The following BMP6 variants were observed in gnomAD, a reference collection of about 807,000 sequenced individuals.
The protein encoded by BMP6 is VG-1-R.
BMP6 carries 17 observed loss-of-function variants against 54.1 expected under a neutral mutation model. That is an observed-to-expected ratio of 0.31 (90% CI 0.22 to 0.47). The LOEUF (loss-of-function observed/expected upper bound fraction) is 0.47, where lower values mean the gene tolerates loss of function less well. BMP6 is among the 20% of genes least tolerant of loss of function. The pLI is 1.00. For synonymous variants in BMP6, 328 were observed against 291.2 expected (o/e 1.13, Z -1.28); for missense variants, 720 against 690.4 (o/e 1.04, Z -0.48).
At chr6:7,730,675 A>G (rs1761838231) in intron 1 of BMP6, among the ~76,000 whole-genome samples, 1 of 152,206 alleles carries the variant, frequency 6.6e-6, no homozygotes, top group African/African-American at 2.4e-5. Context: ...TGAACATAGG[A>G]AGGACAGTTC....
In BMP6 at chr6:7,727,331, C is replaced by T; in HGVS notation, c.376C>T (p.Pro126Ser). ...QQQLPRGEPP[P>S]GRLKSAPLFM... ...GCAGCTGCCTCGCGGAGAGCCCCCT[C>T]CCGGGCGACTGAAGTCCGCGCCCCT... The change falls in exon 1 of 7, where the codon CCC becomes TCC. Residue 126 changes from proline to serine, a missense_variant. Coordinates refer to ENST00000283147, the MANE Select transcript of BMP6 (RefSeq NM_001718.6). 2 of 1,609,598 alleles carry T rather than the reference C, an allele frequency of 1.2e-6. No individual in the cohort carries two copies. Among genetic ancestry groups the T allele is most frequent in the Non-Finnish European group, 8.5e-7 (1 of 1,178,716 alleles).
chr6:7,846,420 A>G (rs896529170), intron 2 of BMP6, among the ~76,000 whole-genome samples: 1 of 152,224 alleles, frequency 6.6e-6, no homozygotes, highest in Non-Finnish European at 1.5e-5. Flanking sequence ...ACCTGAACTC[A>G]TAAGCAACAT....
chr6:7,812,801 T>A (rs6921045), intron 1 of BMP6, among the ~76,000 whole-genome samples: 111,409 of 151,384 alleles, frequency 0.74, 41,384 homozygotes, highest in East Asian at 0.99. Flanking sequence ...ATTTCATTAT[T>A]ATGTTTCTGA....
At chr6:7,815,507 A>G (rs1758511838) in intron 1 of BMP6, among the ~76,000 whole-genome samples, 1 of 152,236 alleles carries the variant, frequency 6.6e-6, no homozygotes, top group Non-Finnish European at 1.5e-5. Context: ...ATGTTTAATA[A>G]ATAGTACCTA....
intron 1 of BMP6, among the ~76,000 whole-genome samples, chr6:7,772,152 C>G (rs569125071): frequency 6.6e-6 from 1 of 152,166 alleles, no homozygotes; most frequent in Non-Finnish European, 1.5e-5. Context: ...CCCCACACTC[C>G]CCTCCCTCTA....
intron 1 of BMP6, among the ~76,000 whole-genome samples, chr6:7,757,181 A>G (rs970117643): frequency 1.3e-5 from 2 of 152,216 alleles, no homozygotes; most frequent in African/African-American, 4.8e-5. Context: ...CCATTTGTAA[A>G]ATACATAGCA....
At chr6:7,858,526 G>GC (rs1281680363) in intron 2 of BMP6, among the ~76,000 whole-genome samples, 11 of 152,106 alleles carry the variant, frequency 7.2e-5, no homozygotes, top group African/African-American at 2.7e-4. Flanking sequence ...TTCAGCCTCT[G>GC]CCCTGTCTGC....
intron 5 of BMP6, among the ~76,000 whole-genome samples, 168 bp from the exon 6 acceptor site, chr6:7,879,823 C>G (rs936405729): frequency 1.3e-5 from 2 of 152,220 alleles, no homozygotes; most frequent in African/African-American, 4.8e-5. Flanking sequence ...AGGTTCACTT[C>G]CCAGCATTGC....
chr6:7,729,305 CTCCTT>C (rs1340164116), intron 1 of BMP6, among the ~76,000 whole-genome samples: 1 of 152,146 alleles, frequency 6.6e-6, no homozygotes, highest in Admixed American at 6.5e-5. Context: ...TTCCTCTCCT[CTCCTT>C]CCACCCTCAC....
intron 1 of BMP6, among the ~76,000 whole-genome samples, chr6:7,728,841 T>C (rs767188586): frequency 3.3e-5 from 5 of 152,228 alleles, no homozygotes; most frequent in Non-Finnish European, 5.9e-5. Context: ...GACGCTCATC[T>C]TTTAACGGCA....
chr6:7,758,222 G>A (rs1468121009), intron 1 of BMP6, among the ~76,000 whole-genome samples: 3 of 152,150 alleles, frequency 2.0e-5, no homozygotes, highest in East Asian at 1.9e-4. Flanking sequence ...CAGTCCATAC[G>A]GGCCCCAGCA....
intron 2 of BMP6, among the ~76,000 whole-genome samples, chr6:7,858,852 A>T (rs951063589): frequency 6.6e-6 from 1 of 150,472 alleles, no homozygotes; most frequent in Non-Finnish European, 1.5e-5. Context: ...ATAGGACCAC[A>T]TAGAGTTTTC....
At chr6:7,799,330 G>T (rs1328725457) in intron 1 of BMP6, among the ~76,000 whole-genome samples, 1 of 152,240 alleles carries the variant, frequency 6.6e-6, no homozygotes, top group African/African-American at 2.4e-5. Context: ...AGGGGACAGG[G>T]TCAGGTGCGA....
chr6:7,836,828 A>G (rs1758883707), intron 1 of BMP6, among the ~76,000 whole-genome samples: 1 of 152,218 alleles, frequency 6.6e-6, no homozygotes, highest in Admixed American at 6.5e-5. Context: ...TTGTATTACA[A>G]TTCAAGGTTA....
At chr6:7,821,537 T>A (rs935594666) in intron 1 of BMP6, among the ~76,000 whole-genome samples, 1 of 151,990 alleles carries the variant, frequency 6.6e-6, no homozygotes, top group Non-Finnish European at 1.5e-5. Flanking sequence ...AAAAGAAAAA[T>A]TAAGGAATGA....
At position 7,856,457 on chromosome 6, in the gene BMP6, A is replaced by T. The variant is rs573619369; in HGVS notation, c.858-4994A>T. Among the ~76,000 whole-genome samples the T allele has an allele frequency of 4.6e-5, 7 of 152,230 alleles. No individual in the cohort carries two copies. The South Asian group carries it at 1.4e-3, about 32-fold the overall frequency. On this transcript the variant is annotated intron_variant, in intron 2 of 6. Transcript: ENST00000283147. ...ATGTATGAATGTTGTTTTGTATTTT[A>T]ATGTAACATCAAGTCCAGACGTACA...
At chr6:7,732,932 T>C (rs1024683711) in intron 1 of BMP6, among the ~76,000 whole-genome samples, 1 of 151,980 alleles carries the variant, frequency 6.6e-6, no homozygotes, top group African/African-American at 2.4e-5. Context: ...TATCTTTTTC[T>C]GTCACCCAGG....
At position 7,845,287 on chromosome 6, in the gene BMP6, C is replaced by G; in HGVS notation, c.812C>G (p.Thr271Ser). The change falls in exon 2 of 7, where the codon ACT (threonine) becomes AGT (serine). Residue 271 changes from threonine to serine, a missense_variant. Thr to Ser is a moderately conservative substitution (Grantham distance 58). Transcript: ENST00000283147. ...GTTATGGGGAGTTTTAAAAACCAAA[C>G]TTTTCTTATCAGCATTTATCAAGTC... ...DCVMGSFKNQ[T>S]FLISIYQVLQ... is the part of the protein sequence containing the mutation. 6.2e-7 allele frequency: 1 copy of G among 1,614,072 alleles called. No homozygotes were observed. The highest frequency in any genetic ancestry group is 8.5e-7 in the Non-Finnish European group (1 of 1,179,986).
rs769502200 is a variant in BMP6 at position 7,727,505 on chromosome 6, C to A, written c.550C>A (p.Arg184Ser). 1.6e-5 allele frequency: 26 copies of A among 1,596,432 alleles called. 1 individual carries two copies. The South Asian group carries it at 2.5e-4, about 16-fold the overall frequency. Residue 184 changes from arginine to serine, a missense_variant, in exon 1 of 7, where the codon CGC becomes AGC. Arg to Ser is a moderately radical substitution (Grantham distance 110). Coordinates refer to ENST00000283147, the MANE Select transcript of BMP6 (RefSeq NM_001718.6). ...CCCGGGCGCCGCGCACCCGCTCAAC[C>A]GCAAGAGCCTTCTGGCCCCCGGATC... is the stretch of plus-strand genomic sequence containing the variant. ...PPPGAAHPLNRKSLLAPGSGS... is the reference protein window; with the variant it reads ...PPPGAAHPLNSKSLLAPGSGS...
Sources: allele counts gnomAD v4.1 joint callset (sites outside exome capture counted in the v4.1 genomes callset), GRCh38; gene constraint gnomAD v4.1.1; transcripts MANE v1.5; gene names NCBI Gene and HGNC (gene_info 2026-07-23, HGNC 2026-07-21).